EML1: variants seen among roughly 807,000 people sequenced by gnomAD.
EML1 encodes the protein EMAP like 1, also known as echinoderm microtubule-associated protein-like 1.
A neutral mutation model predicts 110.4 loss-of-function variants in EML1; 27 were observed. The observed-to-expected ratio is 0.24, with a 90% CI of 0.18 to 0.34. EML1 has a LOEUF of 0.34. EML1 is among the 10% of genes least tolerant of loss of function. EML1 has a pLI of 1.00. For missense variants in EML1, 741 were observed against 1,030.9 expected (o/e 0.72, Z 3.85); for synonymous variants, 344 against 385.8 (o/e 0.89, Z 1.27).
At chr14:99,788,628 AAT>A (rs932107063), upstream of EML1, among the ~76,000 whole-genome samples, 2 of 151,746 alleles carry the variant, frequency 1.3e-5, no homozygotes, top group South Asian at 2.1e-4. Context: ...ATATCTCCCT[AAT>A]ATGTGTGTGT....
At chr14:99,885,296 G>T (rs1238921153) in intron 4 of EML1, among the ~76,000 whole-genome samples, 1 of 152,218 alleles carries the variant, frequency 6.6e-6, no homozygotes, top group Non-Finnish European at 1.5e-5. Context: ...CCAGCCTGAT[G>T]GTCTAGCCTG....
chr14:99,774,323 G>A (rs568792640), intron 1 of EML1, among the ~76,000 whole-genome samples: 3 of 152,238 alleles, frequency 2.0e-5, no homozygotes, highest in South Asian at 2.1e-4. Flanking sequence ...CCGCATCCAC[G>A]CTCCTCACCA....
intron 2 of EML1, among the ~76,000 whole-genome samples, chr14:99,861,918 T>C (rs1461267501): frequency 1.3e-5 from 2 of 152,228 alleles, no homozygotes; most frequent in African/African-American, 4.8e-5. Context: ...TATGGTACAT[T>C]TGTCACAACT....
intron 1 of EML1, among the ~76,000 whole-genome samples, chr14:99,786,584 C>G (rs1271573375): frequency 2.6e-5 from 4 of 152,176 alleles, no homozygotes; most frequent in African/African-American, 9.7e-5. Context: ...CCCTGGCGGG[C>G]AGGGGAGGCG....
chr14:99,819,529 G>C (rs973469793), intron 1 of EML1, among the ~76,000 whole-genome samples: 1 of 152,222 alleles, frequency 6.6e-6, no homozygotes, highest in Non-Finnish European at 1.5e-5. Flanking sequence ...TGCAAGTGAT[G>C]ATTTCCATTA....
In EML1 at chr14:99,910,191, A is replaced by G. The variant is rs559697606; in HGVS notation, c.1240-51A>G. On this transcript the variant is annotated intron_variant, in intron 11 of 21. Transcript: ENST00000262233. ...AAATGAAAGGTTGTCTGGAATATATATATGTTGTATGGATTAAATATATAT... is the reference window on the plus strand; with the variant it reads ...AAATGAAAGGTTGTCTGGAATATATGTATGTTGTATGGATTAAATATATAT... The G allele has an allele frequency of 8.5e-6, 11 of 1,287,410 alleles. No individual in the cohort carries two copies. The African/African-American group carries it at 9.1e-5, about 11-fold the overall frequency. 79.7% of individuals were successfully genotyped at this position (1,287,410 alleles called of 1,614,324 possible). A position where few individuals can be genotyped will look rare whatever the true frequency, so the allele number is the denominator to read the frequency against.
At chr14:99,860,230 G>A (rs1193203043) in intron 2 of EML1, among the ~76,000 whole-genome samples, 1 of 152,032 alleles carries the variant, frequency 6.6e-6, no homozygotes, top group African/African-American at 2.4e-5. Context: ...TTTTGGTGCT[G>A]TGTTTGTTGT....
chr14:99,840,431 CCA>C (rs374664755), intron 1 of EML1, among the ~76,000 whole-genome samples: 128 of 152,264 alleles, frequency 8.4e-4, no homozygotes, highest in African/African-American at 3.0e-3. Context: ...GCAAGGTGGA[CCA>C]GAAACTCAGG....
rs1428722095 is a variant in EML1, at chr14:99,784,905, G to A, written c.-27+10892G>A. On this transcript the variant is annotated intron_variant, in intron 1 of 22. Coordinates refer to the EML1 transcript ENST00000327921. This position sits in a 1 kb window ranked among gnomAD's most constrained non-coding sequence, Gnocchi z 4.5. ...AGGAATCTCACAACCAAAGCCCCAGGGGCAGACTATTGTGGGGTGTTTGGG... is the reference window on the plus strand; with the variant it reads ...AGGAATCTCACAACCAAAGCCCCAGAGGCAGACTATTGTGGGGTGTTTGGG... Among the ~76,000 whole-genome samples, 2 of 152,214 alleles carry A rather than the reference G, an allele frequency of 1.3e-5. No homozygotes were observed. Among genetic ancestry groups the A allele is most frequent in the African/African-American group, 4.8e-5 (2 of 41,458 alleles).
intron 14 of EML1, 26 bp downstream of exon 14, chr14:99,914,330 C>A (rs953787578): frequency 1.1e-5 from 18 of 1,596,558 alleles, no homozygotes; most frequent in Non-Finnish European, 1.5e-5. Context: ...GCAGGCCCGG[C>A]AAACACTCTC....
chr14:99,749,429 C>T (rs946207114), intron 1 of EML1, among the ~76,000 whole-genome samples: 4 of 152,168 alleles, frequency 2.6e-5, no homozygotes, highest in African/African-American at 2.4e-5. Context: ...CATTTTTTCA[C>T]GTGCTTATTG....
chr14:99,845,062 A>G (rs1247154727), intron 1 of EML1, among the ~76,000 whole-genome samples: 3 of 152,214 alleles, frequency 2.0e-5, no homozygotes, highest in African/African-American at 7.2e-5. Context: ...TATTGGAAAT[A>G]TGTGTTTATA....
chr14:99,801,490 C>T (rs1453879460), intron 1 of EML1, among the ~76,000 whole-genome samples: 5 of 152,138 alleles, frequency 3.3e-5, no homozygotes, highest in Non-Finnish European at 7.4e-5. Flanking sequence ...TGGCGGGCGC[C>T]TGTAGTCCCA....
intron 3 of EML1, among the ~76,000 whole-genome samples, chr14:99,869,166 A>T (rs2139898341): frequency 6.6e-6 from 1 of 152,288 alleles, no homozygotes; most frequent in East Asian, 1.9e-4. Context: ...TAGAGATACC[A>T]CATTTTTTTT....
intron 2 of EML1, 32 bp from the exon 3 acceptor site, chr14:99,865,482 C>A (rs1001094687): frequency 1.9e-6 from 3 of 1,612,172 alleles, no homozygotes; most frequent in Non-Finnish European, 1.7e-6. Context: ...CAAAGGGGAA[C>A]TTTCTGATAT....
intron 11 of EML1, among the ~76,000 whole-genome samples, chr14:99,909,759 A>G (rs2059915281): frequency 6.6e-6 from 1 of 152,210 alleles, no homozygotes; most frequent in African/African-American, 2.4e-5. Flanking sequence ...ATCGGGAGGC[A>G]GGCAACCTGC....
In EML1 at chr14:99,779,924, G is replaced by A. The variant is rs796655234; in HGVS notation, c.-27+5911G>A. Among the ~76,000 whole-genome samples, 8 of 152,278 alleles carry A rather than the reference G, an allele frequency of 5.3e-5. 1 individual carries two copies. The highest frequency in any genetic ancestry group is 1.9e-4 in the African/African-American group (8 of 41,574). Reference sequence around the variant, plus strand: ...TATCTGCTTCTGTCTTAGTCACCTTGGGCTGCCATAGCAAAATACCATACA... The same window carrying A: ...TATCTGCTTCTGTCTTAGTCACCTTAGGCTGCCATAGCAAAATACCATACA... On this transcript the variant is annotated intron_variant, in intron 1 of 22. Coordinates refer to the EML1 transcript ENST00000327921.
chr14:99,747,373 G>A (rs118007022), intron 1 of EML1, among the ~76,000 whole-genome samples: 244 of 152,080 alleles, frequency 1.6e-3, no homozygotes, highest in Non-Finnish European at 2.8e-3. Context: ...GGCACAGATC[G>A]GCTCCAGATG....
intron 3 of EML1, among the ~76,000 whole-genome samples, chr14:99,873,875 A>G (rs1441823089): frequency 6.6e-6 from 1 of 152,236 alleles, no homozygotes; most frequent in African/African-American, 2.4e-5. Context: ...TCCAGCACTC[A>G]GCATAGCGCA....
Sources: allele counts gnomAD v4.1 joint callset (sites outside exome capture counted in the v4.1 genomes callset), GRCh38; gene constraint gnomAD v4.1.1; non-coding constraint Gnocchi (gnomAD v3.1); transcripts MANE v1.5; gene names NCBI Gene and HGNC (gene_info 2026-07-23, HGNC 2026-07-21).